The following CSF1R variants were observed in gnomAD, a reference collection of about 807,000 sequenced individuals.
CSF1R encodes macrophage colony-stimulating factor 1 receptor.
In CSF1R, 40 loss-of-function variants were observed where a neutral mutation model predicts 110.0. The ratio of observed to expected loss-of-function variants is 0.36; its 90% CI spans 0.28 to 0.47. The LOEUF (loss-of-function observed/expected upper bound fraction) is 0.47, where lower values mean the gene tolerates loss of function less well. Ranked by LOEUF, CSF1R falls within the 20% of genes least tolerant of loss-of-function variation. CSF1R has a pLI of 0.99. For missense variants in CSF1R, 1,052 were observed against 1,253.0 expected, an observed-to-expected ratio of 0.84 and a Z score of 2.42; for synonymous variants, 523 against 503.4, an observed-to-expected ratio of 1.04 and a Z score of -0.52.
At chr5:150,077,645 T>C (rs778229362) in intron 4 of CSF1R, among the ~76,000 whole-genome samples, 60 of 152,294 alleles carry the variant, frequency 3.9e-4, no homozygotes, top group Admixed American at 2.2e-3. Flanking sequence ...GGGCTGTGTC[T>C]GGAACACGGC....
chr5:150,075,590 CA>C (rs1758227141), intron 5 of CSF1R, among the ~76,000 whole-genome samples: 1 of 152,240 alleles, frequency 6.6e-6, no homozygotes, highest in Non-Finnish European at 1.5e-5. Flanking sequence ...TCTGAAGCTG[CA>C]AATGCTATAT....
chr5:150,097,998 A>C (rs1282906649), intron 1 of CSF1R, among the ~76,000 whole-genome samples: 1 of 152,258 alleles, frequency 6.6e-6, no homozygotes, highest in Non-Finnish European at 1.5e-5. Context: ...CCTGGTTGAC[A>C]GACTCTATAA....
chr5:150,077,125 G>C (rs1209281938), intron 5 of CSF1R, 151 bp downstream of exon 5: 1 of 950,148 alleles, frequency 1.1e-6, no homozygotes, highest in Admixed American at 2.0e-5. Context: ...CTCCTGGAGA[G>C]TGGCTCCTTA....
At chr5:150,093,234 G>A (rs1276473074) in intron 1 of CSF1R, among the ~76,000 whole-genome samples, 1 of 151,986 alleles carries the variant, frequency 6.6e-6, no homozygotes, top group Non-Finnish European at 1.5e-5. Flanking sequence ...ACCTGCCACC[G>A]TGTCTGGCTA....
Position 150,057,582 on chromosome 5 carries a change from A to G in CSF1R, c.2143T>C (p.Phe715Leu). The G allele has an allele frequency of 6.2e-7, 1 of 1,614,072 alleles. No homozygotes were observed. Among genetic ancestry groups the G allele is most frequent in the Non-Finnish European group, 8.5e-7 (1 of 1,179,890 alleles). The stretch of plus-strand genomic sequence containing the variant: ...TAGGTGTCCACACCCTGGCTGGAGA[A>G]GCCACTGTCCCTACATAGGAGAGAG... The part of the protein sequence containing the change: ...EKKYVRRDSG[F>L]SSQGVDTYVE... The change falls in exon 15 of 21, where the codon TTC becomes CTC. Residue 715 changes from phenylalanine (F) to leucine (L), a missense_variant. Phe to Leu is a conservative substitution (Grantham distance 22). Around this residue, in one of 5 missense-constraint regions of CSF1R, gnomAD observed 124 missense variants for 117.7 expected, o/e 1.05. Transcript: ENST00000675795.
chr5:150,093,464 C>A (rs1759109412), intron 1 of CSF1R, among the ~76,000 whole-genome samples: 1 of 152,048 alleles, frequency 6.6e-6, no homozygotes, highest in African/African-American at 2.4e-5. Context: ...CAGGACACTC[C>A]CTAAAAATTT....
chr5:150,112,393 T>C (rs1006102481), intron 1 of CSF1R, among the ~76,000 whole-genome samples: 2 of 152,200 alleles, frequency 1.3e-5, no homozygotes, highest in African/African-American at 4.8e-5. Context: ...TGGATAGTGG[T>C]AGTCAGATTT....
intron 1 of CSF1R, among the ~76,000 whole-genome samples, chr5:150,085,301 A>C (rs1758794040): frequency 1.3e-5 from 2 of 148,730 alleles, no homozygotes; most frequent in Admixed American, 6.7e-5. Flanking sequence ...AAACCCAAAT[A>C]CTCAAGCTCA....
chr5:150,070,094 C>A (rs1333448803), intron 8 of CSF1R, 31 bp from the exon 9 acceptor site: 1 of 1,610,162 alleles, frequency 6.2e-7, no homozygotes, highest in Non-Finnish European at 8.5e-7. Context: ...CTCAGAGCTT[C>A]AGGGTTCCCA....
upstream of CSF1R, among the ~76,000 whole-genome samples, chr5:150,089,179 C>T (rs533157721): frequency 9.8e-5 from 15 of 152,310 alleles, no homozygotes; most frequent in Non-Finnish European, 2.1e-4. Context: ...TGCCTGTTCT[C>T]GCCACTTCTG....
Position 150,097,360 on chromosome 5 carries a change from A to C in CSF1R, c.-180-10753T>G, listed in dbSNP as rs1044310948. On this transcript the variant is annotated intron_variant, in intron 1 of 21. Coordinates refer to the CSF1R transcript ENST00000286301. ...GGAAGGGAGGTAGGGAAGGAGGAAG[A>C]GAGAGAAAGAGAAGGAAAGAAGGAA... is the stretch of plus-strand genomic sequence containing the variant. Among the ~76,000 whole-genome samples the C allele has an allele frequency of 4.6e-5, 7 of 151,576 alleles. No individual in the cohort carries two copies. In the South Asian group the frequency reaches 1.3e-3, roughly 27 times the overall value.
chr5:150,092,237 T>C (rs1204110679), intron 1 of CSF1R, among the ~76,000 whole-genome samples: 1 of 152,228 alleles, frequency 6.6e-6, no homozygotes, highest in East Asian at 1.9e-4. Flanking sequence ...CCACAGGCTA[T>C]AGTTTGCCAA....
Position 150,100,478 on chromosome 5 carries a change from T to C in CSF1R, c.-181+12783A>G, listed in dbSNP as rs867122186. ...ACGCCCAGCTAATTTCTTGTATTTT[T>C]AGTGGAGACGGGCTTTCACCGTGTG... On this transcript the variant is annotated intron_variant, in intron 1 of 21. Transcript: ENST00000286301. 6.6e-5 allele frequency among the ~76,000 whole-genome samples: 10 copies of C among 152,058 alleles called. 3 individuals are homozygous for C. In the Middle Eastern group the frequency reaches 0.034, roughly 517 times the overall value.
intron 1 of CSF1R, chr5:150,113,119 G>T (rs769517997): frequency 6.6e-6 from 1 of 152,320 alleles, no homozygotes; most frequent in Non-Finnish European, 1.5e-5. Flanking sequence ...GCCTGGGCTC[G>T]GCAGGAGAGC....
intron 1 of CSF1R, among the ~76,000 whole-genome samples, chr5:150,084,958 T>C (rs1013723801): frequency 6.6e-6 from 1 of 152,028 alleles, no homozygotes; most frequent in Non-Finnish European, 1.5e-5. Context: ...ACCTGTGCTT[T>C]CTACTGCATG....
rs747649156 is a variant in CSF1R at position 150,061,754 on chromosome 5, C to T, written c.1722G>A (p.Lys574=). Residue 574 remains lysine (K), a synonymous_variant, in exon 11 of 21, where the codon AAG becomes AAA. Transcript: ENST00000675795. ...IDPTQLPYNE[K]WEFPRNNLQF... Reference sequence around the variant, plus strand: ...GCAGGTTGTTCCGGGGGAACTCCCACTTCTCGTTGTAAGGCAGCTGCGTGG... The same window carrying T: ...GCAGGTTGTTCCGGGGGAACTCCCATTTCTCGTTGTAAGGCAGCTGCGTGG... 3.7e-5 allele frequency: 60 copies of T among 1,614,102 alleles called. No individual in the cohort carries two copies. The highest frequency in any genetic ancestry group is 5.0e-5 in the Non-Finnish European group (59 of 1,180,054).
At chr5:150,059,666 C>T (rs957564301) in intron 14 of CSF1R, 34 bp downstream of exon 14, 1 of 1,608,150 alleles carries the variant, frequency 6.2e-7, no homozygotes, top group African/African-American at 1.3e-5. Context: ...GCCTCCCAGA[C>T]CTGGCCTTTT....
chr5:150,100,944 T>C (rs939142667), intron 1 of CSF1R, among the ~76,000 whole-genome samples: 3 of 152,224 alleles, frequency 2.0e-5, no homozygotes, highest in Non-Finnish European at 4.4e-5. Context: ...GGCAAATGCC[T>C]TCTCCCATTC....
rs775576457 is a variant in CSF1R, at chr5:150,063,198, G to A, written c.1627-1349C>T. On this transcript the variant is annotated intron_variant, in intron 10 of 20. Coordinates refer to ENST00000675795, the MANE Select transcript of CSF1R (RefSeq NM_001288705.3). The stretch of plus-strand genomic sequence containing the variant: ...ACACCTGGCTAATTTTTGTAGAGAC[G>A]GGGCTTTGTCGCAGCCTAGGCTGGT... Among the ~76,000 whole-genome samples, 22 of 152,068 alleles carry A rather than the reference G, an allele frequency of 1.4e-4. 1 individual carries two copies. Among genetic ancestry groups the A allele is most frequent in the East Asian group, 3.9e-4 (2 of 5,174 alleles).
Sources: gnomAD v4.1 joint callset for allele counts (sites outside exome capture counted in the v4.1 genomes callset) on GRCh38, gnomAD v4.1.1 for gene constraint, gnomAD v4.1.1 regional missense constraint, MANE v1.5 for transcripts, NCBI Gene and HGNC (gene_info 2026-07-23, HGNC 2026-07-21) for gene names.